ARHGAP25: variants seen among roughly 807,000 people sequenced by gnomAD.
ARHGAP25 encodes Rho GTPase activating protein 25.
In ARHGAP25, 34 loss-of-function variants were observed where a neutral mutation model predicts 71.0. That is an observed-to-expected ratio of 0.48 (90% CI 0.36 to 0.64). ARHGAP25 has a LOEUF of 0.64. ARHGAP25 is among the 30% of genes least tolerant of loss of function. The probability of loss-of-function intolerance (pLI) is 0.00; values close to 1 mark genes in which losing one functional copy is unlikely to be tolerated. For synonymous variants in ARHGAP25, 282 were observed against 296.5 expected (o/e 0.95, Z 0.50); for missense variants, 706 against 805.1 (o/e 0.88, Z 1.49).
At chr2:68,728,713 A>G (rs1674938131) in intron 2 of ARHGAP25, among the ~76,000 whole-genome samples, 1 of 152,188 alleles carries the variant, frequency 6.6e-6, no homozygotes, top group African/African-American at 2.4e-5. Flanking sequence ...CCTGGGCAAC[A>G]TAGTGAGACT....
intron 1 of ARHGAP25, among the ~76,000 whole-genome samples, chr2:68,752,398 C>T (rs1676231277): frequency 6.6e-6 from 1 of 151,778 alleles, no homozygotes; most frequent in African/African-American, 2.4e-5. Context: ...TCCCCTGGGG[C>T]CCACAACCTT....
upstream of ARHGAP25, among the ~76,000 whole-genome samples, chr2:68,731,187 G>A (rs532929551): frequency 1.1e-3 from 168 of 152,116 alleles, no homozygotes; most frequent in Admixed American, 2.0e-3. Context: ...TGCCCCTTGG[G>A]TCCCTAAATC....
chr2:68,798,180 T>C (rs1232050377), intron 4 of ARHGAP25, among the ~76,000 whole-genome samples: 2 of 152,240 alleles, frequency 1.3e-5, no homozygotes, highest in East Asian at 1.9e-4. Context: ...TGAATTGTTA[T>C]ATACCTTGGA....
intron 1 of ARHGAP25, chr2:68,757,815 G>C (rs954445850): frequency 6.6e-6 from 1 of 151,998 alleles, no homozygotes; most frequent in Non-Finnish European, 1.5e-5. Context: ...GATTTAAGGG[G>C]CAATCATTTT....
At chr2:68,820,870 C>T (rs1573638504) in intron 9 of ARHGAP25, among the ~76,000 whole-genome samples, 1 of 151,914 alleles carries the variant, frequency 6.6e-6, no homozygotes, top group Admixed American at 6.6e-5. Context: ...TCTCTCTCTA[C>T]AGTCACACAC....
chr2:68,807,537 G>T (rs563046866), intron 5 of ARHGAP25, 57 bp downstream of exon 5: 2 of 1,555,774 alleles, frequency 1.3e-6, no homozygotes, highest in East Asian at 4.5e-5. Flanking sequence ...TGGCTTGGCT[G>T]GGAGGGCCTC....
At chr2:68,795,951 T>C (rs1323612134) in intron 4 of ARHGAP25, among the ~76,000 whole-genome samples, 1 of 152,164 alleles carries the variant, frequency 6.6e-6, no homozygotes, top group African/African-American at 2.4e-5. Context: ...CCGTGTTGAG[T>C]GCATATGTAT....
At chr2:68,796,402 T>C (rs1433762044) in intron 4 of ARHGAP25, among the ~76,000 whole-genome samples, 1 of 152,226 alleles carries the variant, frequency 6.6e-6, no homozygotes, top group East Asian at 1.9e-4. Flanking sequence ...CATATTACAT[T>C]GCTTTTTCGT....
chr2:68,823,143 T>A (rs543839607), intron 10 of ARHGAP25, among the ~76,000 whole-genome samples: 1 of 152,342 alleles, frequency 6.6e-6, no homozygotes, highest in African/African-American at 2.4e-5. Context: ...AGAATCAACA[T>A]GCTTTAATTA....
intron 2 of ARHGAP25, among the ~76,000 whole-genome samples, chr2:68,716,416 C>G (rs1674610076): frequency 6.6e-6 from 1 of 152,198 alleles, no homozygotes; most frequent in Non-Finnish European, 1.5e-5. Context: ...TGATTCTTAA[C>G]TCTTCATTTT....
At chr2:68,818,191 G>T (rs953160476) in intron 8 of ARHGAP25, among the ~76,000 whole-genome samples, 197 bp downstream of exon 8, 5 of 152,216 alleles carry the variant, frequency 3.3e-5, no homozygotes, top group Admixed American at 3.3e-4. Flanking sequence ...AAGGACAGAG[G>T]TCAAGGGTTT....
At chr2:68,807,802 C>T (rs372453055) in intron 5 of ARHGAP25, among the ~76,000 whole-genome samples, 5 of 152,278 alleles carry the variant, frequency 3.3e-5, no homozygotes, top group Middle Eastern at 3.4e-3. Flanking sequence ...GCCTGAGGCT[C>T]ACCCTTCAGG....
In ARHGAP25 at chr2:68,807,327, C is replaced by G. The variant is rs553785941; in HGVS notation, c.521C>G (p.Pro174Arg). ...GTGGCCTATGAACAGAAATTCGGCC[C>G]CCATCTGGTGCCCATCCTGGTGGAG... ...ETVAYEQKFGPHLVPILVEKC... is the reference protein window; with the variant it reads ...ETVAYEQKFGRHLVPILVEKC... The change falls in exon 5 of 11, where the codon CCC becomes CGC. Residue 174 changes from proline to arginine, a missense_variant. By Grantham distance (103) the Pro-to-Arg change is moderately radical. Transcript: ENST00000409202. The G allele has an allele frequency of 1.9e-6, 3 of 1,614,232 alleles. No individual in the cohort carries two copies. The highest frequency in any genetic ancestry group is 2.7e-5 in the African/African-American group (2 of 75,068).
At chr2:68,749,624 C>G (rs1676040595) in intron 1 of ARHGAP25, among the ~76,000 whole-genome samples, 2 of 152,324 alleles carry the variant, frequency 1.3e-5, no homozygotes, top group South Asian at 4.1e-4. Flanking sequence ...CAAAGGCAGC[C>G]TCAGTGCTTG....
At chr2:68,786,645 A>T (rs1678777156) in intron 3 of ARHGAP25, among the ~76,000 whole-genome samples, 1 of 152,200 alleles carries the variant, frequency 6.6e-6, no homozygotes, top group Non-Finnish European at 1.5e-5. Flanking sequence ...AAAGCTGATG[A>T]CCTAATGACA....
chr2:68,823,701 CG>C (rs1442552304), intron 10 of ARHGAP25, among the ~76,000 whole-genome samples: 1 of 152,098 alleles, frequency 6.6e-6, no homozygotes, highest in Non-Finnish European at 1.5e-5. Context: ...TAAGAAGCTT[CG>C]GGGTGGTTTC....
intron 1 of ARHGAP25, among the ~76,000 whole-genome samples, chr2:68,748,008 A>G (rs1285586627): frequency 2.0e-5 from 3 of 152,178 alleles, no homozygotes; most frequent in Non-Finnish European, 4.4e-5. Context: ...CATCTTTTAA[A>G]AGTGGAAATC....
chr2:68,734,996 G>C lies in ARHGAP25; in HGVS notation c.-204G>C. The C allele has an allele frequency of 3.3e-6, 2 of 612,312 alleles. No individual in the cohort carries two copies. The highest frequency in any genetic ancestry group is 5.8e-6 in the Non-Finnish European group (2 of 342,916). 37.9% of individuals were successfully genotyped at this position (612,312 alleles called of 1,614,324 possible). ...GGGGGAGTTTGGGTGCCATCCTCCA[G>C]TGACAGATGGATGGACCTTTCATCT... On this transcript the variant is annotated 5_prime_UTR_variant, in exon 1 of 11. Coordinates refer to ENST00000409202, the MANE Select transcript of ARHGAP25 (RefSeq NM_001007231.3).
intron 2 of ARHGAP25, among the ~76,000 whole-genome samples, chr2:68,711,136 G>A (rs1674473293): frequency 6.6e-6 from 1 of 152,146 alleles, no homozygotes; most frequent in Non-Finnish European, 1.5e-5. Flanking sequence ...AATTTGCCGA[G>A]GAAATCCAAT....
Sources: allele counts gnomAD v4.1 joint callset (sites outside exome capture counted in the v4.1 genomes callset), GRCh38; gene constraint gnomAD v4.1.1; transcripts MANE v1.5; gene names NCBI Gene and HGNC (gene_info 2026-07-23, HGNC 2026-07-21).